FRMD4B: variants seen among roughly 807,000 people sequenced by gnomAD.
The protein encoded by FRMD4B is FERM domain containing 4B.
Under a neutral mutation model 141.5 loss-of-function variants are expected in FRMD4B, and 74 were observed. The ratio of observed to expected loss-of-function variants is 0.52; its 90% CI spans 0.43 to 0.63. FRMD4B has a LOEUF of 0.63. FRMD4B is among the 30% of genes least tolerant of loss of function. FRMD4B has a pLI of 0.00. For missense variants in FRMD4B, 1,366 were observed against 1,253.4 expected (o/e 1.09, Z -1.36); for synonymous variants, 506 against 467.9 (o/e 1.08, Z -1.05).
upstream of FRMD4B, among the ~76,000 whole-genome samples, chr3:69,389,280 C>A (rs372140556): frequency 4.6e-5 from 7 of 152,294 alleles, no homozygotes; most frequent in East Asian, 1.2e-3. Flanking sequence ...ATCCTCCCCC[C>A]TCGGCCTCCC....
At chr3:69,245,226 G>C (rs75508078) in intron 7 of FRMD4B, among the ~76,000 whole-genome samples, 3,483 of 152,220 alleles carry the variant, frequency 0.023, 129 homozygotes, top group African/African-American at 0.08. Context: ...AAGTAGCCAA[G>C]CTGGCATTTG....
intron 1 of FRMD4B, among the ~76,000 whole-genome samples, chr3:69,484,712 G>A (rs942889999): frequency 3.9e-5 from 6 of 152,024 alleles, no homozygotes; most frequent in South Asian, 2.1e-4. Flanking sequence ...TGGTTGTCCA[G>A]TCATCTCCAG....
chr3:69,277,778 C>T (rs2093625082), intron 5 of FRMD4B, among the ~76,000 whole-genome samples: 1 of 152,094 alleles, frequency 6.6e-6, no homozygotes, highest in Non-Finnish European at 1.5e-5. Flanking sequence ...GATCCACCTG[C>T]CTTGGCCTCC....
chr3:69,482,814 G>A (rs1445396894), intron 1 of FRMD4B, among the ~76,000 whole-genome samples: 1 of 152,186 alleles, frequency 6.6e-6, no homozygotes, highest in East Asian at 1.9e-4. Flanking sequence ...TCGCATCCCA[G>A]GGTAAACTGT....
At chr3:69,329,874 T>C (rs566911082) in intron 1 of FRMD4B, among the ~76,000 whole-genome samples, 13 of 152,040 alleles carry the variant, frequency 8.6e-5, no homozygotes, top group Non-Finnish European at 1.6e-4. Flanking sequence ...AATAAACCCC[T>C]ATGACACGAG....
chr3:69,534,849 C>T (rs919593833), intron 1 of FRMD4B, among the ~76,000 whole-genome samples: 1 of 152,184 alleles, frequency 6.6e-6, no homozygotes, highest in Non-Finnish European at 1.5e-5. Context: ...ACATAACATC[C>T]ATCTGAAAGG....
chr3:69,538,617 C>T (rs911649514), intron 1 of FRMD4B, among the ~76,000 whole-genome samples: 1 of 152,086 alleles, frequency 6.6e-6, no homozygotes, highest in South Asian at 2.1e-4. Flanking sequence ...TGAAAAAACA[C>T]TGTCTTATGA....
chr3:69,375,963 A>G (rs1317745003), intron 1 of FRMD4B, among the ~76,000 whole-genome samples: 1 of 152,238 alleles, frequency 6.6e-6, no homozygotes, highest in Non-Finnish European at 1.5e-5. Flanking sequence ...TCTATCAACA[A>G]GAGATTGATA....
rs1253333525 is a variant in FRMD4B at position 69,520,140 on chromosome 3, AATATATATATGATGGAAT to A, written c.-129+22048_-129+22065del. On this transcript the variant is annotated intron_variant, in intron 1 of 5. Transcript: ENST00000459638. ...ATATGATGGAATATATATATGATGG[AATATATATATGATGGAAT>A]ATATATATATGATGGAATATATATA... 5.5e-4 allele frequency among the ~76,000 whole-genome samples: 62 copies of A among 112,946 alleles called. 3 individuals are homozygous for A. Among genetic ancestry groups the A allele is most frequent in the South Asian group, 1.5e-3 (6 of 3,954 alleles). 74.1% of individuals were successfully genotyped at this position (112,946 alleles called of 152,430 possible).
chr3:69,218,248 A>G (rs997343674), intron 10 of FRMD4B, 74 bp downstream of exon 10: 11 of 745,434 alleles, frequency 1.5e-5, no homozygotes, highest in Non-Finnish European at 2.6e-5. Context: ...AGCCTTTTAT[A>G]TAGTATGAAA....
chr3:69,341,513 T>A (rs1378712186), intron 1 of FRMD4B, among the ~76,000 whole-genome samples: 1 of 152,210 alleles, frequency 6.6e-6, no homozygotes, highest in Non-Finnish European at 1.5e-5. Context: ...CAAGGCTTGC[T>A]CTTACATTCT....
At chr3:69,261,018 T>C (rs149379308) in intron 5 of FRMD4B, among the ~76,000 whole-genome samples, 3 of 152,266 alleles carry the variant, frequency 2.0e-5, no homozygotes, top group African/African-American at 7.2e-5. Context: ...ATCAGCAGGA[T>C]GTGGGTGGGG....
chr3:69,235,002 T>G (rs1350269417), intron 7 of FRMD4B, among the ~76,000 whole-genome samples: 1 of 151,300 alleles, frequency 6.6e-6, no homozygotes, highest in Non-Finnish European at 1.5e-5. Context: ...TACAAAAAAT[T>G]AGCCGGGTGT....
intron 11 of FRMD4B, among the ~76,000 whole-genome samples, chr3:69,208,921 G>T (rs1302866256): frequency 6.6e-6 from 1 of 152,002 alleles, no homozygotes; most frequent in African/African-American, 2.4e-5. Flanking sequence ...TGAGGCAGGC[G>T]GATCAGGAGG....
chr3:69,364,056 G>A (rs945588426), intron 1 of FRMD4B, among the ~76,000 whole-genome samples: 3 of 152,148 alleles, frequency 2.0e-5, no homozygotes, highest in South Asian at 2.1e-4. Flanking sequence ...TGGGCAAGGG[G>A]GTGATATTGA....
At chr3:69,292,903 C>G (rs1700919631) in intron 4 of FRMD4B, 1 of 306,930 alleles carries the variant, frequency 3.3e-6, no homozygotes, top group African/African-American at 2.3e-5. Context: ...TAAGTTGAAG[C>G]CCATGGTTAA....
intron 2 of FRMD4B, among the ~76,000 whole-genome samples, chr3:69,425,838 G>A (rs1271866058): frequency 6.6e-6 from 1 of 152,126 alleles, no homozygotes; most frequent in African/African-American, 2.4e-5. Flanking sequence ...GTAAGTGGGG[G>A]AGCCAAGAGT....
At chr3:69,201,441 T>C (rs1381991606) in intron 11 of FRMD4B, among the ~76,000 whole-genome samples, 1 of 152,112 alleles carries the variant, frequency 6.6e-6, no homozygotes, top group African/African-American at 2.4e-5. Flanking sequence ...ATTAAAGTAA[T>C]AAAAGTTTAT....
At chr3:69,282,552 T>A (rs2107020862) in intron 5 of FRMD4B, among the ~76,000 whole-genome samples, 1 of 152,354 alleles carries the variant, frequency 6.6e-6, no homozygotes, top group African/African-American at 2.4e-5. Context: ...CAATCATACA[T>A]CTTAAGAAAT....
Sources: allele counts gnomAD v4.1 joint callset (sites outside exome capture counted in the v4.1 genomes callset), GRCh38; gene constraint gnomAD v4.1.1; transcripts MANE v1.5; gene names NCBI Gene and HGNC (gene_info 2026-07-23, HGNC 2026-07-21).